Variants in SSX2IP observed in about 807,000 individuals in gnomAD.
SSX2IP encodes the protein afadin- and alpha-actinin-binding protein.
SSX2IP carries 55 observed loss-of-function variants against 84.9 expected under a neutral mutation model. That is an observed-to-expected ratio of 0.65 (90% CI 0.52 to 0.81). The LOEUF is 0.81. Among genes scored for constraint, SSX2IP ranks in the 30% least tolerant of loss-of-function variants. The pLI is 0.00. For missense variants in SSX2IP, 664 were observed against 705.2 expected, an observed-to-expected ratio of 0.94 and a Z score of 0.66; for synonymous variants, 239 against 234.7, an observed-to-expected ratio of 1.02 and a Z score of -0.17.
chr1:84,666,680 G>A (rs2102385196), intron 4 of SSX2IP, among the ~76,000 whole-genome samples: 1 of 152,224 alleles, frequency 6.6e-6, no homozygotes, highest in Non-Finnish European at 1.5e-5. Flanking sequence ...AAAGATGGGT[G>A]ACCAAGCAAA....
Position 84,650,416 on chromosome 1 carries a change from G to A in SSX2IP, c.1616C>T (p.Ala539Val). 6.2e-7 allele frequency: 1 copy of A among 1,614,188 alleles called. No individual in the cohort carries two copies. The highest frequency in any genetic ancestry group is 1.3e-5 in the African/African-American group (1 of 75,054). The change falls in exon 13 of 14, where the codon GCT becomes GTT. Residue 539 changes from alanine to valine, a missense_variant. Transcript: ENST00000342203. ...GCAAAAGTCTGAAGTGGAAGGTGAA[G>A]CAGGAAGAGATTTAGTAAGTTTAGA... is the stretch of plus-strand genomic sequence containing the variant. ...CMSKLTKSLP[A>V]SPSTSDFCQT...
intron 8 of SSX2IP, among the ~76,000 whole-genome samples, chr1:84,661,864 A>T (rs1451506794): frequency 6.6e-6 from 1 of 152,146 alleles, no homozygotes; most frequent in Non-Finnish European, 1.5e-5. Context: ...TAAAATGGGG[A>T]TATTTATAGT....
intron 1 of SSX2IP, among the ~76,000 whole-genome samples, chr1:84,680,018 C>G (rs1654864167): frequency 6.6e-6 from 1 of 152,156 alleles, no homozygotes; most frequent in South Asian, 2.1e-4. Context: ...ACGACTACTC[C>G]TTTAAGAACC....
chr1:84,665,927 G>A (rs1018101642), intron 5 of SSX2IP, among the ~76,000 whole-genome samples, 195 bp downstream of exon 5: 12 of 152,138 alleles, frequency 7.9e-5, no homozygotes, highest in Non-Finnish European at 1.3e-4. Context: ...GATCCACTGG[G>A]GGCGGGGTCT....
chr1:84,650,471 T>C lies in SSX2IP; in HGVS notation c.1561A>G (p.Ser521Gly), dbSNP rs1350967924. Residue 521 changes from serine (S) to glycine (G), a missense_variant, in exon 13 of 14, where the codon AGT becomes GGT. Coordinates refer to ENST00000342203, the MANE Select transcript of SSX2IP (RefSeq NM_001166293.2). Reference sequence around the variant, plus strand: ...CAAACTGGAGACCCATTAGACACACTGTGAGGCTTCTTTTGCGGCTGCCTC... The same window carrying C: ...CAAACTGGAGACCCATTAGACACACCGTGAGGCTTCTTTTGCGGCTGCCTC... ...HSRQPQKKPH[S>G]VSNGSPVCMS... 8.1e-6 allele frequency: 13 copies of C among 1,614,082 alleles called. No homozygotes were observed. The highest frequency in any genetic ancestry group is 1.0e-5 in the Non-Finnish European group (12 of 1,180,046).
At chr1:84,674,041 C>A (rs372253043) in intron 1 of SSX2IP, among the ~76,000 whole-genome samples, 1 of 152,168 alleles carries the variant, frequency 6.6e-6, no homozygotes, top group African/African-American at 2.4e-5. Flanking sequence ...TTACTTCTAG[C>A]TTTCTGAGAT....
chr1:84,667,912 T>C (rs1652988750), intron 4 of SSX2IP, among the ~76,000 whole-genome samples: 1 of 152,170 alleles, frequency 6.6e-6, no homozygotes, highest in African/African-American at 2.4e-5. Flanking sequence ...CTCCCTTCCC[T>C]GGACTGCAAT....
chr1:84,690,724 C>CGCTGCGGGCGCA (rs1553136906), upstream of SSX2IP: 3 of 151,790 alleles, frequency 2.0e-5, no homozygotes, highest in South Asian at 2.1e-4. Context: ...GGTCCGCGCG[C>CGCTGCGGGCGCA]GCTGCGGGCG....
intron 8 of SSX2IP, among the ~76,000 whole-genome samples, chr1:84,660,758 T>A (rs1253362257): frequency 6.7e-6 from 1 of 149,090 alleles, no homozygotes; most frequent in Non-Finnish European, 1.5e-5. Context: ...AGAGCAAAAC[T>A]CTCTCTCAAA....
chr1:84,663,532 TA>T (rs910393179), intron 6 of SSX2IP, among the ~76,000 whole-genome samples: 3 of 152,176 alleles, frequency 2.0e-5, no homozygotes, highest in Non-Finnish European at 4.4e-5. Flanking sequence ...TTCAACAATT[TA>T]AAAAATAAAG....
chr1:84,662,073 T>C (rs967262563), intron 8 of SSX2IP, 125 bp downstream of exon 8: 4 of 625,800 alleles, frequency 6.4e-6, no homozygotes, highest in African/African-American at 3.7e-5. Flanking sequence ...TAATTGAAAG[T>C]AGCATAGCAG....
intron 1 of SSX2IP, among the ~76,000 whole-genome samples, chr1:84,672,033 T>A (rs1464931141): frequency 6.6e-6 from 1 of 152,136 alleles, no homozygotes; most frequent in African/African-American, 2.4e-5. Context: ...GGAATTAGGA[T>A]GGCAAACAAA....
intron 1 of SSX2IP, among the ~76,000 whole-genome samples, chr1:84,689,384 A>T (rs1179484704): frequency 6.6e-6 from 1 of 152,174 alleles, no homozygotes; most frequent in Non-Finnish European, 1.5e-5. Context: ...CATCACCCAC[A>T]GCTAACTCTA....
At chr1:84,679,022 C>T (rs1247587398) in intron 1 of SSX2IP, among the ~76,000 whole-genome samples, 1 of 152,116 alleles carries the variant, frequency 6.6e-6, no homozygotes, top group Non-Finnish European at 1.5e-5. Context: ...GAAGTCTTTG[C>T]TAAAATCTCA....
At chr1:84,690,240 G>A (rs909136006) in intron 1 of SSX2IP, 131 bp downstream of exon 1, 7 of 151,636 alleles carry the variant, frequency 4.6e-5, no homozygotes, top group Non-Finnish European at 1.0e-4. Flanking sequence ...GCCTCCCGCC[G>A]AACAACGGGG....
At chr1:84,647,735 A>T in intron 13 of SSX2IP, 128 bp from the exon 14 acceptor site, 13 of 556,606 alleles carry the variant, frequency 2.3e-5, no homozygotes, top group South Asian at 4.3e-5. Flanking sequence ...CAAAAATATA[A>T]TTTAAAATTT....
chr1:84,656,131 T>C, intron 10 of SSX2IP, 126 bp from the exon 11 acceptor site: 1 of 1,028,576 alleles, frequency 9.7e-7, no homozygotes, highest in Non-Finnish European at 1.4e-6. Context: ...AATCAAAAAG[T>C]CAAATGAGAA....
At chr1:84,686,698 G>A (rs1655843683) in intron 1 of SSX2IP, among the ~76,000 whole-genome samples, 1 of 152,156 alleles carries the variant, frequency 6.6e-6, no homozygotes, top group Non-Finnish European at 1.5e-5. Context: ...CAAAGAGACA[G>A]GGGAACGGAC....
intron 4 of SSX2IP, among the ~76,000 whole-genome samples, chr1:84,666,734 C>A (rs925412994): frequency 2.0e-5 from 3 of 152,210 alleles, no homozygotes; most frequent in African/African-American, 7.2e-5. Flanking sequence ...CTGTGTGACA[C>A]CACTTCTCCC....
Sources: gnomAD v4.1 joint callset for allele counts (sites outside exome capture counted in the v4.1 genomes callset) on GRCh38, gnomAD v4.1.1 for gene constraint, MANE v1.5 for transcripts, NCBI Gene and HGNC (gene_info 2026-07-23, HGNC 2026-07-21) for gene names.